The following CD99 variants were observed in gnomAD, a reference collection of about 807,000 sequenced individuals.
The protein encoded by CD99 is CD99 antigen.
A neutral mutation model predicts 28.4 loss-of-function variants in CD99; 19 were observed. That is an observed-to-expected ratio of 0.67 (90% CI 0.47 to 0.98). The LOEUF is 0.98. CD99 is among the 50% of genes least tolerant of loss of function. The pLI is 0.00. For missense variants in CD99, 283 were observed against 248.8 expected (o/e 1.14, Z -0.92); for synonymous variants, 103 against 92.1 (o/e 1.12, Z -0.67).
At chrX:2,706,572 A>G (rs2048127307) in intron 1 of CD99, among the ~76,000 whole-genome samples, 1 of 152,084 alleles carries the variant, frequency 6.6e-6, no homozygotes, top group Admixed American at 6.6e-5. Flanking sequence ...AGCAGGTGTG[A>G]ACACCCTGGG....
At chrX:2,714,360 A>G (rs1283731396) in intron 1 of CD99, 62 bp from the exon 2 acceptor site, 25 of 1,327,468 alleles carry the variant, frequency 1.9e-5, no homozygotes, top group Admixed American at 7.7e-5. Context: ...TTTTATCTCT[A>G]TAATATTCAA....
At chrX:2,709,171 A>G (rs2048260261) in intron 1 of CD99, among the ~76,000 whole-genome samples, 2 of 90,290 alleles carry the variant, frequency 2.2e-5, no homozygotes, top group Admixed American at 2.3e-4. Context: ...CCAGACAGAC[A>G]CACATGTGCA....
chrX:2,726,326 C>A lies in CD99; in HGVS notation c.428C>A (p.Ser143Tyr). Reference sequence around the variant, plus strand: ...GTGGTCGCCGTGGCTGGAGCCATCTCTAGCTTCATTGCTTACCAGAAAAAG... The same window carrying A: ...GTGGTCGCCGTGGCTGGAGCCATCTATAGCTTCATTGCTTACCAGAAAAAG... Reference protein sequence around the residue: ...AVVVAVAGAISSFIAYQKKKL... With the variant: ...AVVVAVAGAIYSFIAYQKKKL... The change falls in exon 8 of 10, where the codon TCT (serine) becomes TAT (tyrosine). Residue 143 changes from serine (S) to tyrosine (Y), a missense_variant. Ser to Tyr is a moderately radical substitution (Grantham distance 144, BLOSUM62 -2). Transcript: ENST00000381192. 2 of 1,612,242 alleles carry A rather than the reference C, an allele frequency of 1.2e-6. No homozygotes were observed. Among genetic ancestry groups the A allele is most frequent in the Non-Finnish European group, 1.7e-6 (2 of 1,179,656 alleles).
chrX:2,710,221 G>A (rs1325867117), intron 1 of CD99, among the ~76,000 whole-genome samples: 1 of 152,146 alleles, frequency 6.6e-6, no homozygotes, highest in Admixed American at 6.5e-5. Context: ...CTGGGGAATG[G>A]AGGCCACCTC....
chrX:2,734,695 C>G (rs987223733), intron 8 of CD99, among the ~76,000 whole-genome samples: 1 of 144,782 alleles, frequency 6.9e-6, no homozygotes, highest in African/African-American at 2.6e-5. Flanking sequence ...ATTTCTTTTA[C>G]TTATTTTTCT....
intron 8 of CD99, chrX:2,733,587 G>T: frequency 1.8e-6 from 1 of 558,686 alleles, no homozygotes; most frequent in Non-Finnish European, 3.3e-6. Flanking sequence ...GCTCATTATA[G>T]CAAATCATAT....
chrX:2,723,505 T>G, intron 7 of CD99, 141 bp downstream of exon 7: 1 of 919,450 alleles, frequency 1.1e-6, no homozygotes, highest in Non-Finnish European at 1.8e-6. Context: ...CTGTGCCAAG[T>G]GCTCCCAAGT....
At chrX:2,736,169 T>C (rs1229096220) in intron 8 of CD99, among the ~76,000 whole-genome samples, 1 of 147,608 alleles carries the variant, frequency 6.8e-6, no homozygotes, top group East Asian at 2.0e-4. Flanking sequence ...GCCACTGCGT[T>C]CCAGCCTGGG....
chrX:2,701,991 G>A (rs1342298224), intron 1 of CD99, among the ~76,000 whole-genome samples: 1 of 152,222 alleles, frequency 6.6e-6, no homozygotes, highest in African/African-American at 2.4e-5. Flanking sequence ...TCTCACCTTG[G>A]AAAGTTTCTG....
intron 8 of CD99, among the ~76,000 whole-genome samples, chrX:2,735,045 G>T (rs923659366): frequency 2.0e-5 from 3 of 152,042 alleles, no homozygotes; most frequent in Non-Finnish European, 4.4e-5. Context: ...GTGTCCCAAG[G>T]TGTCTCAAGT....
intron 8 of CD99, among the ~76,000 whole-genome samples, chrX:2,728,204 T>TTC (rs2049396730): frequency 1.4e-5 from 2 of 141,124 alleles, no homozygotes; most frequent in Non-Finnish European, 1.5e-5. Context: ...TTGTTTCTTT[T>TTC]TTTTTTTTTT....
At chrX:2,737,467 G>T (rs1197585487) in intron 8 of CD99, among the ~76,000 whole-genome samples, 1 of 148,666 alleles carries the variant, frequency 6.7e-6, no homozygotes, top group Non-Finnish European at 1.5e-5. Context: ...GAGCCACCAT[G>T]CCCAGCCTCT....
chrX:2,718,840 T>G (rs1215131702), intron 3 of CD99, among the ~76,000 whole-genome samples: 8 of 152,192 alleles, frequency 5.3e-5, no homozygotes, highest in Admixed American at 2.0e-4. Flanking sequence ...TTTTCTAATA[T>G]AAAACATTAA....
intron 1 of CD99, among the ~76,000 whole-genome samples, chrX:2,708,585 A>G (rs1306392313): frequency 6.6e-6 from 1 of 152,212 alleles, no homozygotes; most frequent in East Asian, 1.9e-4. Context: ...TGTTTCAATT[A>G]AAAACTGTAG....
chrX:2,713,167 CAT>C (rs1364154608), intron 1 of CD99, among the ~76,000 whole-genome samples: 1 of 151,914 alleles, frequency 6.6e-6, no homozygotes, highest in Non-Finnish European at 1.5e-5. Context: ...CACCTACACA[CAT>C]GCACACATAA....
At chrX:2,731,177 A>G (rs1170680760) in intron 8 of CD99, among the ~76,000 whole-genome samples, 3 of 152,078 alleles carry the variant, frequency 2.0e-5, no homozygotes, top group Non-Finnish European at 4.4e-5. Flanking sequence ...CTGGGGCAGG[A>G]TTTTGCTTTA....
At chrX:2,714,089 G>A (rs1204796158) in intron 1 of CD99, among the ~76,000 whole-genome samples, 1 of 152,062 alleles carries the variant, frequency 6.6e-6, no homozygotes, top group African/African-American at 2.4e-5. Context: ...TCCCCATGTT[G>A]TTTTCAGTAC....
At chrX:2,726,416 A>T (rs1216980922) in intron 8 of CD99, 43 bp downstream of exon 8, 2 of 1,242,180 alleles carry the variant, frequency 1.6e-6, no homozygotes, top group Admixed American at 1.7e-5. Context: ...TGCCTTGCTG[A>T]TTGGAAAACT....
intron 2 of CD99, chrX:2,717,230 C>G: frequency 5.3e-6 from 1 of 187,194 alleles, no homozygotes; most frequent in South Asian, 1.4e-4. Flanking sequence ...CACCTGTAAG[C>G]CCAGCTACTC....
Sources: gnomAD v4.1 joint callset for allele counts (sites outside exome capture counted in the v4.1 genomes callset) on GRCh38, gnomAD v4.1.1 for gene constraint, MANE v1.5 for transcripts, NCBI Gene and HGNC (gene_info 2026-07-23, HGNC 2026-07-21) for gene names.